The following FAM185A variants were observed in gnomAD, a reference collection of about 807,000 sequenced individuals.
FAM185A encodes protein FAM185A.
A neutral mutation model predicts 45.7 loss-of-function variants in FAM185A; 21 were observed. That is an observed-to-expected ratio of 0.46 (90% CI 0.33 to 0.66). The LOEUF (loss-of-function observed/expected upper bound fraction) is 0.66. FAM185A is among the 30% of genes least tolerant of loss of function. The pLI is 0.03. For synonymous variants in FAM185A, 117 were observed against 194.0 expected (o/e 0.60, Z 3.30); for missense variants, 305 against 485.4 (o/e 0.63, Z 3.49).
the FAM185A span, among the ~76,000 whole-genome samples, chr7:102,842,440 A>T: frequency 6.6e-6 from 1 of 152,258 alleles, no homozygotes; most frequent in Admixed American, 6.5e-5. Context: ...GTCAAAGGCT[A>T]CCAAAATCAA....
At chr7:102,835,811 G>A in the FAM185A span, among the ~76,000 whole-genome samples, 1 of 151,168 alleles carries the variant, frequency 6.6e-6, no homozygotes, top group Admixed American at 6.6e-5. Context: ...GGGTTTCACC[G>A]TTTTAGCCGG....
At chr7:102,792,933 T>C (rs1305170679) in intron 7 of FAM185A, among the ~76,000 whole-genome samples, 1 of 152,218 alleles carries the variant, frequency 6.6e-6, no homozygotes, top group Non-Finnish European at 1.5e-5. Flanking sequence ...CTAGAGACAC[T>C]GTTTTCTCTC....
the FAM185A span, among the ~76,000 whole-genome samples, chr7:102,820,805 C>T: frequency 9.9e-5 from 15 of 152,238 alleles, no homozygotes; most frequent in Admixed American, 7.8e-4. Context: ...TTAGTCTGTT[C>T]ATGAGGGCAA....
chr7:102,826,196 CA>C, the FAM185A span, among the ~76,000 whole-genome samples: 2 of 152,198 alleles, frequency 1.3e-5, no homozygotes, highest in South Asian at 2.1e-4. Context: ...ATTTTACTAG[CA>C]CTTCTGGTGA....
chr7:102,823,461 G>A, the FAM185A span, among the ~76,000 whole-genome samples: 1 of 151,518 alleles, frequency 6.6e-6, no homozygotes, highest in Non-Finnish European at 1.5e-5. Context: ...GGAGAAAGAA[G>A]CAGAAGCCAC....
chr7:102,756,249 A>G (rs1793726664), intron 2 of FAM185A, among the ~76,000 whole-genome samples: 1 of 152,184 alleles, frequency 6.6e-6, no homozygotes, highest in Non-Finnish European at 1.5e-5. Context: ...TAACAAAACT[A>G]AAGACGTATA....
At chr7:102,834,883 TG>T in the FAM185A span, among the ~76,000 whole-genome samples, 3 of 87,278 alleles carry the variant, frequency 3.4e-5, no homozygotes, top group African/African-American at 5.3e-5. Context: ...CCACAATGTG[TG>T]TGTGTGTGTG....
chr7:102,788,438 G>A (rs1260241064), intron 7 of FAM185A, among the ~76,000 whole-genome samples: 1 of 152,092 alleles, frequency 6.6e-6, no homozygotes, highest in Non-Finnish European at 1.5e-5. Context: ...GGGGAGTAGG[G>A]GAGGGTGGTC....
At chr7:102,848,733 C>T in the FAM185A span, among the ~76,000 whole-genome samples, 2 of 152,022 alleles carry the variant, frequency 1.3e-5, no homozygotes, top group African/African-American at 4.8e-5. Context: ...GCGCCTCACA[C>T]CCATAATTCC....
intron 4 of FAM185A, among the ~76,000 whole-genome samples, chr7:102,771,901 T>G (rs924085267): frequency 2.0e-5 from 3 of 152,122 alleles, no homozygotes; most frequent in African/African-American, 7.2e-5. Context: ...CATACCTCCA[T>G]GTATTCATTA....
the FAM185A span, among the ~76,000 whole-genome samples, chr7:102,830,348 G>A: frequency 6.6e-6 from 1 of 152,118 alleles, no homozygotes. Flanking sequence ...TATAGCCAGG[G>A]CAGTTCTCAC....
intron 4 of FAM185A, among the ~76,000 whole-genome samples, chr7:102,763,609 C>T (rs1794224336): frequency 6.6e-6 from 1 of 152,276 alleles, no homozygotes; most frequent in South Asian, 2.1e-4. Flanking sequence ...TTTATATCCC[C>T]AATCATTAGA....
At chr7:102,799,781 CT>C (rs887440602) in intron 7 of FAM185A, among the ~76,000 whole-genome samples, 7 of 152,126 alleles carry the variant, frequency 4.6e-5, no homozygotes, top group Admixed American at 3.9e-4. Context: ...GCAGATTATA[CT>C]TAACACTTGA....
intron 1 of FAM185A, 132 bp from the exon 2 acceptor site, chr7:102,751,560 A>C (rs1393542307): frequency 9.3e-7 from 1 of 1,080,356 alleles, no homozygotes; most frequent in Non-Finnish European, 1.3e-6. Flanking sequence ...AAGACCCCTT[A>C]CCTTTACAGT....
At position 102,749,071 on chromosome 7, in the gene FAM185A, G is replaced by T. The variant is rs765027774; in HGVS notation, c.-137G>T. ...TTAGAACGCCTAGTCAAGCCAACCG[G>T]CTCGCTCTTGTTTCAGCAAACCCTG... On this transcript the variant is annotated 5_prime_UTR_variant, in exon 1 of 8. Transcript: ENST00000413034. 10 of 1,331,396 alleles carry T rather than the reference G, an allele frequency of 7.5e-6. No homozygotes were observed. In the South Asian group the frequency reaches 1.3e-4, roughly 17 times the overall value. The allele number at this position is 1,331,396 out of a possible 1,614,324, so 82.5% of individuals were successfully genotyped here.
intron 4 of FAM185A, among the ~76,000 whole-genome samples, chr7:102,766,662 C>G (rs2129435227): frequency 1.3e-5 from 2 of 151,976 alleles, no homozygotes; most frequent in East Asian, 1.9e-4. Flanking sequence ...TCATGACATT[C>G]ATGAAAATGT....
the FAM185A span, among the ~76,000 whole-genome samples, chr7:102,846,544 G>A: frequency 2.5e-4 from 38 of 150,686 alleles, no homozygotes; most frequent in Admixed American, 5.3e-4. Context: ...GTCTGAGCCC[G>A]GAAGGAGGTT....
chr7:102,769,900 A>T (rs1026883672), intron 4 of FAM185A, among the ~76,000 whole-genome samples: 2 of 151,868 alleles, frequency 1.3e-5, no homozygotes, highest in African/African-American at 2.4e-5. Context: ...CCATTGATTC[A>T]TGAATGGGTT....
At position 102,808,562 on chromosome 7, in the gene FAM185A, A is replaced by C. The variant is rs554694258; in HGVS notation, c.*160A>C. 3.4e-6 allele frequency: 2 copies of C among 595,230 alleles called. No homozygotes were observed. The highest frequency in any genetic ancestry group is 1.9e-5 in the African/African-American group (1 of 53,774). The allele number at this position is 595,230 out of a possible 1,614,324, so 36.9% of individuals were successfully genotyped here. A position where few individuals can be genotyped will look rare whatever the true frequency, so the allele number is the denominator to read the frequency against. On this transcript the variant is annotated 3_prime_UTR_variant, in exon 8 of 8. Coordinates refer to ENST00000413034, the MANE Select transcript of FAM185A (RefSeq NM_001145268.2). ...GCTTTTTCAAAATTTGTGCTTTGCT[A>C]TTGTATTCATTTTCTACTGCTCTGT... is the stretch of plus-strand genomic sequence containing the variant.
Sources: gnomAD v4.1 joint callset for allele counts (sites outside exome capture counted in the v4.1 genomes callset) on GRCh38, gnomAD v4.1.1 for gene constraint, MANE v1.5 for transcripts, NCBI Gene and HGNC (gene_info 2026-07-23, HGNC 2026-07-21) for gene names.